CPED1: variants seen among roughly 807,000 people sequenced by gnomAD.
CPED1 encodes the protein cadherin-like and PC-esterase domain-containing protein 1.
In CPED1, 114 loss-of-function variants were observed where a neutral mutation model predicts 128.2. The observed-to-expected ratio is 0.89, with a 90% CI of 0.76 to 1.04. The LOEUF is 1.04. CPED1 is among the 50% of genes least tolerant of loss of function. CPED1 has a pLI of 0.00. For missense variants in CPED1, 1,211 were observed against 1,207.1 expected, an observed-to-expected ratio of 1.00 and a Z score of -0.05; for synonymous variants, 462 against 426.7, an observed-to-expected ratio of 1.08 and a Z score of -1.02.
At chr7:121,275,555 A>G (rs1792314154) in intron 22 of CPED1, among the ~76,000 whole-genome samples, 1 of 152,246 alleles carries the variant, frequency 6.6e-6, no homozygotes, top group African/African-American at 2.4e-5. Context: ...CAAATCCACA[A>G]CCAACTGATA....
intron 4 of CPED1, among the ~76,000 whole-genome samples, chr7:121,049,214 G>T (rs1243250895): frequency 6.6e-6 from 1 of 152,150 alleles, no homozygotes. Flanking sequence ...AAACTAAAAG[G>T]CCTAGTGAGG....
At chr7:121,036,321 C>A (rs551611495) in intron 3 of CPED1, among the ~76,000 whole-genome samples, 3 of 151,982 alleles carry the variant, frequency 2.0e-5, no homozygotes, top group African/African-American at 4.8e-5. Context: ...ATCATTCTTA[C>A]GCCTTTGCAT....
chr7:121,105,287 C>T (rs1282377072), intron 7 of CPED1, among the ~76,000 whole-genome samples: 4 of 152,098 alleles, frequency 2.6e-5, no homozygotes, highest in Non-Finnish European at 4.4e-5. Context: ...TATGCACTGC[C>T]TTTGATAATG....
chr7:121,098,703 G>C (rs1794757437), intron 6 of CPED1, among the ~76,000 whole-genome samples: 1 of 146,808 alleles, frequency 6.8e-6, no homozygotes, highest in Non-Finnish European at 1.5e-5. Context: ...CTTCACTCCA[G>C]CCTGAGTGAC....
intron 12 of CPED1, among the ~76,000 whole-genome samples, chr7:121,133,543 A>G (rs1281222914): frequency 4.6e-5 from 7 of 152,066 alleles, no homozygotes; most frequent in Admixed American, 1.3e-4. Flanking sequence ...AATCACTTCT[A>G]TTGGACCCAA....
intron 3 of CPED1, among the ~76,000 whole-genome samples, chr7:121,030,541 G>A (rs900265660): frequency 2.6e-5 from 4 of 152,136 alleles, no homozygotes; most frequent in African/African-American, 7.2e-5. Context: ...CCTACCCTTT[G>A]AGTCACTTGG....
At chr7:121,185,295 C>G (rs1796978305) in intron 16 of CPED1, among the ~76,000 whole-genome samples, 1 of 152,026 alleles carries the variant, frequency 6.6e-6, no homozygotes, top group East Asian at 1.9e-4. Context: ...GCAAAAGATG[C>G]AATAAACAGT....
At position 121,269,030 on chromosome 7, in the gene CPED1, G is replaced by A. The variant is rs1024595732; in HGVS notation, c.2721+1728G>A. Among the ~76,000 whole-genome samples, 10 of 151,844 alleles carry A rather than the reference G, an allele frequency of 6.6e-5. 1 individual carries two copies. Among genetic ancestry groups the A allele is most frequent in the Non-Finnish European group, 5.9e-5 (4 of 67,966 alleles). ...ATTGTGGGTTAAGGGAGTTTATATG[G>A]CTTACACTGACAGCCCAAATGCCAA... On this transcript the variant is annotated intron_variant, in intron 21 of 22. Coordinates refer to ENST00000310396, the MANE Select transcript of CPED1 (RefSeq NM_024913.5).
At chr7:121,117,153 T>C (rs1389019590) in intron 7 of CPED1, among the ~76,000 whole-genome samples, 1 of 147,902 alleles carries the variant, frequency 6.8e-6, no homozygotes, top group Non-Finnish European at 1.5e-5. Context: ...CAGGCTGGAG[T>C]GCAGTGGCAT....
intron 22 of CPED1, among the ~76,000 whole-genome samples, chr7:121,272,089 C>T (rs1792243315): frequency 6.6e-6 from 1 of 152,090 alleles, no homozygotes; most frequent in South Asian, 2.1e-4. Flanking sequence ...GGTCTCCAAT[C>T]ACCTTCAGGT....
At position 121,137,682 on chromosome 7, in the gene CPED1, G is replaced by A. The variant is rs182965145; in HGVS notation, c.1699+1592G>A. On this transcript the variant is annotated intron_variant, in intron 14 of 22. Coordinates refer to ENST00000310396, the MANE Select transcript of CPED1 (RefSeq NM_024913.5). ...GTATTGCTAATAGAGAACAAAGATA[G>A]CAAGTATTACTTATGCCATTCCTTC... Among the ~76,000 whole-genome samples, 847 of 152,124 alleles carry A rather than the reference G, an allele frequency of 5.6e-3. 4 individuals carry two copies. Among genetic ancestry groups the A allele is most frequent in the Non-Finnish European group, 8.6e-3 (587 of 67,976 alleles).
intron 4 of CPED1, among the ~76,000 whole-genome samples, chr7:121,060,423 A>C (rs911430293): frequency 6.6e-6 from 1 of 152,196 alleles, no homozygotes; most frequent in Non-Finnish European, 1.5e-5. Context: ...GGACGTGGAG[A>C]ATCTTCATGT....
rs543140492 is a variant in CPED1 at position 121,108,381 on chromosome 7, G to GT, written c.918+8293dup. 2.0e-3 allele frequency among the ~76,000 whole-genome samples: 310 copies of GT among 152,158 alleles called. 1 individual carries two copies. The highest frequency in any genetic ancestry group is 3.4e-3 in the Middle Eastern group (1 of 294). ...CAGCATTTGCCAGCCACTGGACATTGTTTTTTCACTTAAGAACACTTTGTA... is the reference window on the plus strand; with the variant it reads ...CAGCATTTGCCAGCCACTGGACATTGTTTTTTTCACTTAAGAACACTTTGTA... On this transcript the variant is annotated intron_variant, in intron 7 of 22. Coordinates refer to ENST00000310396, the MANE Select transcript of CPED1 (RefSeq NM_024913.5).
Position 121,044,648 on chromosome 7 carries a change from C to CTTTTTTTTTTTTTTTTTTT in CPED1, c.434-2238_434-2237insTTTTTTTTTTTTTTTTTTT, listed in dbSNP as rs35159862. Reference sequence around the variant, plus strand: ...GATTGCTGAGAGCAGTGACTTTCTGCTCTTTTTTTTTTTTTTTTTTTGCTA... The same window carrying CTTTTTTTTTTTTTTTTTTT: ...GATTGCTGAGAGCAGTGACTTTCTGCTTTTTTTTTTTTTTTTTTTTCTTTTTTTTTTTTTTTTTTTGCTA... On this transcript the variant is annotated intron_variant, in intron 3 of 22. Coordinates refer to ENST00000310396, the MANE Select transcript of CPED1 (RefSeq NM_024913.5). 3.5e-4 allele frequency among the ~76,000 whole-genome samples: 24 copies of CTTTTTTTTTTTTTTTTTTT among 69,490 alleles called. 9 individuals carry two copies. The highest frequency in any genetic ancestry group is 1.2e-3 in the Admixed American group (6 of 4,874). The allele number at this position is 69,490 out of a possible 152,430, so 45.6% of individuals were successfully genotyped here. A position where few individuals can be genotyped will look rare whatever the true frequency, so the allele number is the denominator to read the frequency against.
At chr7:121,027,072 C>A (rs1156319681) in intron 3 of CPED1, among the ~76,000 whole-genome samples, 1 of 150,764 alleles carries the variant, frequency 6.6e-6, no homozygotes, top group Admixed American at 6.6e-5. Context: ...AACTACTGGG[C>A]TCAAGCAATT....
At chr7:121,219,780 C>G (rs1253396959) in intron 16 of CPED1, among the ~76,000 whole-genome samples, 1 of 152,018 alleles carries the variant, frequency 6.6e-6, no homozygotes, top group Admixed American at 6.6e-5. Context: ...TACCCAACCT[C>G]AAGTTCCATT....
At chr7:121,268,782 T>A (rs1792180626) in intron 21 of CPED1, among the ~76,000 whole-genome samples, 1 of 151,838 alleles carries the variant, frequency 6.6e-6, no homozygotes, top group Admixed American at 6.6e-5. Context: ...CTACTTGGAG[T>A]TAACTCCTCC....
chr7:121,240,152 A>G (rs774971233), intron 17 of CPED1, among the ~76,000 whole-genome samples: 4 of 152,210 alleles, frequency 2.6e-5, no homozygotes, highest in Non-Finnish European at 4.4e-5. Context: ...TCAGAGACCC[A>G]ATCAGGCTTC....
chr7:121,122,017 A>G (rs1484892995), intron 7 of CPED1, among the ~76,000 whole-genome samples: 1 of 152,160 alleles, frequency 6.6e-6, no homozygotes, highest in Admixed American at 6.6e-5. Context: ...AGACTTTGAA[A>G]GTTTATGATT....
Sources: gnomAD v4.1 joint callset for allele counts (sites outside exome capture counted in the v4.1 genomes callset) on GRCh38, gnomAD v4.1.1 for gene constraint, MANE v1.5 for transcripts, NCBI Gene and HGNC (gene_info 2026-07-23, HGNC 2026-07-21) for gene names.